The following MTERF3 variants were observed in gnomAD, a reference collection of about 807,000 sequenced individuals.
MTERF3 encodes the protein mitochondrial transcription termination factor 3, also known as transcription termination factor 3, mitochondrial.
Under a neutral mutation model 40.5 loss-of-function variants are expected in MTERF3, and 40 were observed. That is an observed-to-expected ratio of 0.99 (90% CI 0.77 to 1.29). The LOEUF (loss-of-function observed/expected upper bound fraction) is 1.29, where lower values mean the gene tolerates loss of function less well. Among genes scored for constraint, MTERF3 ranks in the 50% most tolerant of loss-of-function variants. The probability of loss-of-function intolerance (pLI) is 0.00; values close to 1 mark genes in which losing one functional copy is unlikely to be tolerated. For synonymous variants in MTERF3, 158 were observed against 166.6 expected (o/e 0.95, Z 0.40); for missense variants, 452 against 478.2 (o/e 0.95, Z 0.51).
At chr8:96,246,571 A>G in intron 4 of MTERF3, 117 bp from the exon 5 acceptor site, 2 of 840,038 alleles carry the variant, frequency 2.4e-6, no homozygotes, top group Non-Finnish European at 3.4e-6. Flanking sequence ...CCCACACCCT[A>G]AATTACTAAC....
At chr8:96,256,188 C>T (rs1461856156) in intron 3 of MTERF3, among the ~76,000 whole-genome samples, 1 of 152,144 alleles carries the variant, frequency 6.6e-6, no homozygotes, top group African/African-American at 2.4e-5. Flanking sequence ...ACGGAGATCC[C>T]CTGGCTCCCT....
At chr8:96,250,683 G>GACGAA (rs1479466031) in intron 4 of MTERF3, among the ~76,000 whole-genome samples, 3 of 58,928 alleles carry the variant, frequency 5.1e-5, no homozygotes, top group Admixed American at 1.5e-4. Context: ...AGAAGAAGAA[G>GACGAA]GAGGAGGAGG....
intron 2 of MTERF3, among the ~76,000 whole-genome samples, chr8:96,257,957 TTTTA>T (rs1462536249): frequency 2.0e-5 from 3 of 152,196 alleles, no homozygotes; most frequent in African/African-American, 7.2e-5. Flanking sequence ...AATATAATTG[TTTTA>T]TTTGTTGATT....
At chr8:96,259,660 T>C (rs1232748701) in intron 1 of MTERF3, among the ~76,000 whole-genome samples, 2 of 152,178 alleles carry the variant, frequency 1.3e-5, no homozygotes. Context: ...AAATGCTCAA[T>C]AAATGTTAGC....
rs35632317 is a variant in MTERF3, at chr8:96,250,329, GTT to G, written c.677+575_677+576del. On this transcript the variant is annotated intron_variant, in intron 4 of 7. Coordinates refer to ENST00000287025, the MANE Select transcript of MTERF3 (RefSeq NM_015942.5). Reference sequence around the variant, plus strand: ...AGATAAGTTAGCTATTTGTTGATGGGTTTTTTTTTTTTTTAAGAAAAAAACGT... The same window carrying G: ...AGATAAGTTAGCTATTTGTTGATGGGTTTTTTTTTTTTAAGAAAAAAACGT... Among the ~76,000 whole-genome samples the G allele has an allele frequency of 2.0e-3, 283 of 138,852 alleles. 2 individuals carry two copies. The highest frequency in any genetic ancestry group is 0.019 in the East Asian group (91 of 4,794). 91.1% of individuals were successfully genotyped at this position (138,852 alleles called of 152,430 possible).
At chr8:96,249,771 T>C (rs951287015) in intron 4 of MTERF3, among the ~76,000 whole-genome samples, 8 of 152,114 alleles carry the variant, frequency 5.3e-5, no homozygotes, top group African/African-American at 1.9e-4. Flanking sequence ...TGAGGCAAAA[T>C]AGTCAAAGCA....
At chr8:96,242,134 A>G (rs1236889483) in intron 7 of MTERF3, among the ~76,000 whole-genome samples, 2 of 152,304 alleles carry the variant, frequency 1.3e-5, no homozygotes, top group Admixed American at 6.5e-5. Flanking sequence ...TGTAAAGTCT[A>G]TATCAGCCCA....
intron 4 of MTERF3, among the ~76,000 whole-genome samples, chr8:96,248,915 G>T (rs1264253827): frequency 6.6e-6 from 1 of 152,090 alleles, no homozygotes; most frequent in Non-Finnish European, 1.5e-5. Flanking sequence ...TGCCTATTCA[G>T]TATTTTTTAC....
intron 6 of MTERF3, 140 bp downstream of exon 6, chr8:96,245,720 T>A (rs913630747): frequency 2.8e-6 from 2 of 714,484 alleles, no homozygotes; most frequent in Non-Finnish European, 4.6e-6. Context: ...TTGTTAAAGA[T>A]AATTTCCTAT....
At chr8:96,241,131 G>A (rs150820965) in intron 7 of MTERF3, among the ~76,000 whole-genome samples, 327 of 152,104 alleles carry the variant, frequency 2.1e-3, no homozygotes, top group African/African-American at 7.5e-3. Context: ...CTATCACCCG[G>A]CCGGGCGCGG....
intron 4 of MTERF3, among the ~76,000 whole-genome samples, chr8:96,247,983 C>A (rs1198214087): frequency 1.3e-5 from 2 of 152,228 alleles, no homozygotes; most frequent in Non-Finnish European, 2.9e-5. Context: ...CTCCAAACAA[C>A]ATTCCATGTT....
chr8:96,259,948 AG>A (rs1233984645), intron 1 of MTERF3, among the ~76,000 whole-genome samples: 1 of 151,730 alleles, frequency 6.6e-6, no homozygotes, highest in Non-Finnish European at 1.5e-5. Flanking sequence ...CTTGTTGCCC[AG>A]GCTGGAGTAC....
chr8:96,256,026 C>T (rs1810273584), intron 3 of MTERF3, among the ~76,000 whole-genome samples: 1 of 152,104 alleles, frequency 6.6e-6, no homozygotes, highest in Non-Finnish European at 1.5e-5. Flanking sequence ...CCGACCTCCC[C>T]CAAATCCAGT....
At chr8:96,254,322 CATT>C (rs1481608225) in intron 3 of MTERF3, among the ~76,000 whole-genome samples, 1 of 152,158 alleles carries the variant, frequency 6.6e-6, no homozygotes, top group Non-Finnish European at 1.5e-5. Context: ...TTCAAGTATA[CATT>C]ATTATTAACT....
intron 6 of MTERF3, among the ~76,000 whole-genome samples, chr8:96,245,495 T>C (rs1478729288): frequency 6.6e-6 from 1 of 152,226 alleles, no homozygotes; most frequent in East Asian, 1.9e-4. Flanking sequence ...ACTGTCATGC[T>C]GGCCAACAGG....
In MTERF3 at chr8:96,254,171, T is replaced by C. The variant is rs571312123; in HGVS notation, c.487+2791A>G. On this transcript the variant is annotated intron_variant, in intron 3 of 7. Transcript: ENST00000287025. Reference sequence around the variant, plus strand: ...GAATGTACACTTTTTAAATTATATGTTTATGGGATACAACATGCTGTTTTG... The same window carrying C: ...GAATGTACACTTTTTAAATTATATGCTTATGGGATACAACATGCTGTTTTG... 8.5e-5 allele frequency among the ~76,000 whole-genome samples: 13 copies of C among 152,304 alleles called. No homozygotes were observed. The South Asian group carries it at 2.7e-3, about 32-fold the overall frequency.
In MTERF3 at chr8:96,239,626, T is replaced by C; in HGVS notation, c.1119A>G (p.Gly373=). ...KERHLFLTYL[G]RAQYDPAKPN... is the part of the protein sequence containing the mutation. ...GTTTTGCTGGATCATACTGTGCTCT[T>C]CCTAAATAGGTAAGAAACAAGTGTC... Residue 373 remains glycine, a synonymous_variant, in exon 8 of 8, where the codon GGA becomes GGG. Transcript: ENST00000287025. The C allele has an allele frequency of 6.2e-7, 1 of 1,610,106 alleles. No homozygotes were observed. Among genetic ancestry groups the C allele is most frequent in the South Asian group, 1.1e-5 (1 of 90,386 alleles).
intron 1 of MTERF3, among the ~76,000 whole-genome samples, chr8:96,260,816 C>T (rs2129961787): frequency 6.6e-6 from 1 of 152,376 alleles, no homozygotes; most frequent in East Asian, 1.9e-4. Flanking sequence ...AGAGCTGGGT[C>T]TCATCCCTGG....
chr8:96,243,910 T>C lies in MTERF3; in HGVS notation c.1059+9A>G, dbSNP rs114596781. 5.9e-3 allele frequency: 9,557 copies of C among 1,612,634 alleles called. 485 individuals carry two copies. The African/African-American group carries it at 0.11, about 19-fold the overall frequency. ...CAGCGCTTACAGAGAGAGCTGTGAG[T>C]GGCATTACCTGTGGGAACTTGACAA... On this transcript the variant is annotated intron_variant, in intron 7 of 7. Coordinates refer to ENST00000287025, the MANE Select transcript of MTERF3 (RefSeq NM_015942.5).
Sources: gnomAD v4.1 joint callset for allele counts (sites outside exome capture counted in the v4.1 genomes callset) on GRCh38, gnomAD v4.1.1 for gene constraint, MANE v1.5 for transcripts, NCBI Gene and HGNC (gene_info 2026-07-23, HGNC 2026-07-21) for gene names.